The following RHD variants were observed in gnomAD, a reference collection of about 807,000 sequenced individuals.
RHD encodes Rh blood group D antigen.
Under a neutral mutation model 45.5 loss-of-function variants are expected in RHD, and 16 were observed. The observed-to-expected ratio is 0.35, with a 90% CI of 0.24 to 0.53. The LOEUF is 0.53. Ranked by LOEUF, RHD falls within the 20% of genes least tolerant of loss-of-function variation. The probability of loss-of-function intolerance (pLI) is 0.92; values close to 1 mark genes in which losing one functional copy is unlikely to be tolerated. For synonymous variants in RHD, 131 were observed against 217.5 expected (o/e 0.60, Z 3.50); for missense variants, 306 against 532.0 (o/e 0.58, Z 4.18).
intron 8 of RHD, among the ~76,000 whole-genome samples, chr1:25,317,811 G>A (rs1032779705): frequency 1.2e-5 from 1 of 81,898 alleles, no homozygotes; most frequent in East Asian, 2.4e-4. Context: ...TGTGTTGAGG[G>A]AACAGTAAGG....
In RHD at chr1:25,291,053, G is replaced by A; in HGVS notation, c.486+262G>A. Among the ~76,000 whole-genome samples, 2 of 131,256 alleles carry A rather than the reference G, an allele frequency of 1.5e-5. 1 individual carries two copies. The highest frequency in any genetic ancestry group is 3.6e-5 in the Non-Finnish European group (2 of 55,598). The allele number at this position is 131,256 out of a possible 152,430, so 86.1% of individuals were successfully genotyped here. On this transcript the variant is annotated intron_variant, in intron 3 of 9. Coordinates refer to ENST00000328664, the MANE Select transcript of RHD (RefSeq NM_016124.6). ...AGTCTCAGTTACTCAGGAGGCTGAG[G>A]TGTGAGTTGGAAGGATTGTTTGAGC...
rs1341829049 is a variant in RHD at position 25,308,801 on chromosome 1, G to A, written c.1073+2072G>A. 6.2e-5 allele frequency among the ~76,000 whole-genome samples: 8 copies of A among 129,758 alleles called. 3 individuals are homozygous for A. Among genetic ancestry groups the A allele is most frequent in the Admixed American group, 4.5e-4 (6 of 13,420 alleles). The allele number at this position is 129,758 out of a possible 152,430, so 85.1% of individuals were successfully genotyped here. On this transcript the variant is annotated intron_variant, in intron 7 of 9. Coordinates refer to ENST00000328664, the MANE Select transcript of RHD (RefSeq NM_016124.6). The stretch of plus-strand genomic sequence containing the variant: ...TAGTGACAGTGATGATCTCTCTTCC[G>A]GAAGTCTTTGGTTTGCTGAGAGTAA...
At chr1:25,313,473 G>C (rs1307551413) in intron 7 of RHD, among the ~76,000 whole-genome samples, 1 of 132,778 alleles carries the variant, frequency 7.5e-6, no homozygotes, top group Non-Finnish European at 1.8e-5. Flanking sequence ...CATCCAGGTT[G>C]TTAAGCATTG....
rs935092237 is a variant in RHD, at chr1:25,303,486, C to G, written c.939+27C>G. The G allele has an allele frequency of 3.6e-6, 5 of 1,378,232 alleles. 1 individual carries two copies. The highest frequency in any genetic ancestry group is 5.1e-6 in the Non-Finnish European group (5 of 978,224). The allele number at this position is 1,378,232 out of a possible 1,614,324, so 85.4% of individuals were successfully genotyped here. A position where few individuals can be genotyped will look rare whatever the true frequency, so the allele number is the denominator to read the frequency against. ...TAAGAAACTAGACAACTAACCTCCT[C>G]TGCTTTGGCTGAAGGCCAGCAGGAC... On this transcript the variant is annotated intron_variant, in intron 6 of 9. Coordinates refer to ENST00000328664, the MANE Select transcript of RHD (RefSeq NM_016124.6).
intron 1 of RHD, among the ~76,000 whole-genome samples, chr1:25,275,342 C>T (rs1207306194): frequency 5.3e-5 from 7 of 131,872 alleles, no homozygotes; most frequent in African/African-American, 1.8e-4. Flanking sequence ...GTGGCAGACT[C>T]ACTGGGCTGC....
At chr1:25,307,562 A>G (rs2124695342) in intron 7 of RHD, 2 of 607,806 alleles carry the variant, frequency 3.3e-6, no homozygotes, top group Admixed American at 4.8e-5. Flanking sequence ...CATTATATGC[A>G]TTATCTCCTT....
chr1:25,302,188 A>G (rs1407857775), intron 5 of RHD, among the ~76,000 whole-genome samples: 3 of 131,282 alleles, frequency 2.3e-5, no homozygotes, highest in Non-Finnish European at 3.6e-5. Flanking sequence ...GGTGCATGTA[A>G]AGTGCTTAAC....
rs557716853 is a variant in RHD at position 25,305,428 on chromosome 1, A to G, written c.940-1168A>G. ...TATTTATTTATTGAGACAGAGTCTC[A>G]TTCTGTCACCCAGGCTGGAGTGCAG... is the stretch of plus-strand genomic sequence containing the variant. On this transcript the variant is annotated intron_variant, in intron 6 of 9. Transcript: ENST00000328664. Among the ~76,000 whole-genome samples the G allele has an allele frequency of 4.7e-4, 60 of 126,628 alleles. 14 individuals carry two copies. The highest frequency in any genetic ancestry group is 9.3e-4 in the Non-Finnish European group (50 of 53,952). 83.1% of individuals were successfully genotyped at this position (126,628 alleles called of 152,430 possible).
At chr1:25,273,302 A>AATTTTT (rs1553137277) in intron 1 of RHD, among the ~76,000 whole-genome samples, 1 of 97,780 alleles carries the variant, frequency 1.0e-5, no homozygotes, top group African/African-American at 3.7e-5. Flanking sequence ...TGCCTGGCTA[A>AATTTTT]TTTTTTTTTT....
In RHD at chr1:25,321,566, A is replaced by G. The variant is rs1367596178; in HGVS notation, c.1154-323A>G. Reference sequence around the variant, plus strand: ...GCGCCTATAATCTCAGCTACTTGGGAGGCTGAGGCAGGATAATCGCTTGAA... The same window carrying G: ...GCGCCTATAATCTCAGCTACTTGGGGGGCTGAGGCAGGATAATCGCTTGAA... On this transcript the variant is annotated intron_variant, in intron 8 of 9. Coordinates refer to ENST00000328664, the MANE Select transcript of RHD (RefSeq NM_016124.6). Among the ~76,000 whole-genome samples, 25 of 123,494 alleles carry G rather than the reference A, an allele frequency of 2.0e-4. 4 individuals are homozygous for G. Among genetic ancestry groups the G allele is most frequent in the African/African-American group, 6.3e-4 (23 of 36,800 alleles). 81.0% of individuals were successfully genotyped at this position (123,494 alleles called of 152,430 possible). A position where few individuals can be genotyped will look rare whatever the true frequency, so the allele number is the denominator to read the frequency against.
In RHD at chr1:25,306,588, G is replaced by A. The variant is rs1172915253; in HGVS notation, c.940-8G>A. 1 of 1,377,300 alleles carries A rather than the reference G, an allele frequency of 7.3e-7. No individual in the cohort carries two copies. The highest frequency in any genetic ancestry group is 1.2e-5 in the South Asian group (1 of 84,824). 85.3% of individuals were successfully genotyped at this position (1,377,300 alleles called of 1,614,324 possible). On this transcript the variant is annotated splice_polypyrimidine_tract_variant and splice_region_variant and intron_variant, in intron 6 of 9. Coordinates refer to ENST00000328664, the MANE Select transcript of RHD (RefSeq NM_016124.6). ...TGCCAATCTGCTTATAATAACACTT[G>A]TCCACAGGGGTGTTGTAACCGAGTG...
rs1452106910 is a variant in RHD at position 25,300,701 on chromosome 1, A to G, written c.487-245A>G. Among the ~76,000 whole-genome samples the G allele has an allele frequency of 1.5e-5, 2 of 131,290 alleles. 1 individual carries two copies. The highest frequency in any genetic ancestry group is 3.6e-5 in the Non-Finnish European group (2 of 55,608). The allele number at this position is 131,290 out of a possible 152,430, so 86.1% of individuals were successfully genotyped here. A position where few individuals can be genotyped will look rare whatever the true frequency, so the allele number is the denominator to read the frequency against. The stretch of plus-strand genomic sequence containing the variant: ...GCGCATGCCTGTAATCCCAGCTACT[A>G]GGGAAGCTGAGGCAGGAGAATCGCG... On this transcript the variant is annotated intron_variant, in intron 3 of 9. Coordinates refer to ENST00000328664, the MANE Select transcript of RHD (RefSeq NM_016124.6).
intron 8 of RHD, among the ~76,000 whole-genome samples, chr1:25,320,284 T>G (rs1644630991): frequency 7.6e-6 from 1 of 132,160 alleles, no homozygotes; most frequent in Admixed American, 7.4e-5. Flanking sequence ...CTACACACCT[T>G]TTCCACGTTA....
intron 1 of RHD, 75 bp downstream of exon 1, chr1:25,272,770 G>C (rs1156658061): frequency 1.5e-6 from 2 of 1,349,038 alleles, no homozygotes; most frequent in Non-Finnish European, 2.1e-6. Flanking sequence ...TGGTTCTCCA[G>C]GGGCACAGAT....
chr1:25,303,371 C>G lies in RHD; in HGVS notation c.851C>G (p.Ser284Trp). The change falls in exon 6 of 10, where the codon TCG becomes TGG. Residue 284 changes from serine (S) to tryptophan (W), a missense_variant. By Grantham distance (177) the Ser-to-Trp change is radical (BLOSUM62 -3). Coordinates refer to ENST00000328664, the MANE Select transcript of RHD (RefSeq NM_016124.6). ...VLAGGVAVGT[S>W]CHLIPSPWLA... is the part of the protein sequence containing the mutation. The stretch of plus-strand genomic sequence containing the variant: ...GCAGGAGGCGTGGCTGTGGGTACCT[C>G]GTGTCACCTGATCCCTTCTCCGTGG... 2.2e-6 allele frequency: 3 copies of G among 1,376,172 alleles called. 1 individual carries two copies. The highest frequency in any genetic ancestry group is 1.0e-6 in the Non-Finnish European group (1 of 976,386). The allele number at this position is 1,376,172 out of a possible 1,614,324, so 85.2% of individuals were successfully genotyped here. A position where few individuals can be genotyped will look rare whatever the true frequency, so the allele number is the denominator to read the frequency against.
chr1:25,319,718 A>C (rs1266093448), intron 8 of RHD, among the ~76,000 whole-genome samples: 1 of 132,258 alleles, frequency 7.6e-6, no homozygotes. Context: ...TTGTTAATTG[A>C]GCCCTCTATG....
intron 3 of RHD, among the ~76,000 whole-genome samples, chr1:25,299,072 TAAAAAAA>T (rs34867414): frequency 3.2e-4 from 13 of 40,870 alleles, no homozygotes; most frequent in African/African-American, 7.8e-4. Flanking sequence ...CACATGGTGA[TAAAAAAA>T]AAAAAAAAAA....
At chr1:25,283,324 A>C (rs2124617068) in intron 1 of RHD, among the ~76,000 whole-genome samples, 1 of 131,944 alleles carries the variant, frequency 7.6e-6, no homozygotes, top group South Asian at 2.3e-4. Flanking sequence ...TGAGGTCAGG[A>C]GTTCGAGACC....
Position 25,318,547 on chromosome 1 carries a change from C to T in RHD, c.1153+1468C>T, listed in dbSNP as rs530758241. 5.3e-5 allele frequency among the ~76,000 whole-genome samples: 7 copies of T among 131,398 alleles called. 2 individuals carry two copies. In the South Asian group the frequency reaches 1.6e-3, roughly 31 times the overall value. 86.2% of individuals were successfully genotyped at this position (131,398 alleles called of 152,430 possible). On this transcript the variant is annotated intron_variant, in intron 8 of 9. Coordinates refer to ENST00000328664, the MANE Select transcript of RHD (RefSeq NM_016124.6). Reference sequence around the variant, plus strand: ...AGGTTATAGTGAGTCGAGGTTGCACCACTGCCCTCCAGCCTAGGTGACAGA... The same window carrying T: ...AGGTTATAGTGAGTCGAGGTTGCACTACTGCCCTCCAGCCTAGGTGACAGA...
Sources: allele counts gnomAD v4.1 joint callset (sites outside exome capture counted in the v4.1 genomes callset), GRCh38; gene constraint gnomAD v4.1.1; transcripts MANE v1.5; gene names NCBI Gene and HGNC (gene_info 2026-07-23, HGNC 2026-07-21).